The following ARHGAP24 variants were observed in gnomAD, a reference collection of about 807,000 sequenced individuals.
The protein encoded by ARHGAP24 is Rho GTPase activating protein 24, also known as rho GTPase-activating protein 24.
Under a neutral mutation model 76.4 loss-of-function variants are expected in ARHGAP24, and 50 were observed. The ratio of observed to expected loss-of-function variants is 0.65; its 90% CI spans 0.52 to 0.83. The LOEUF is 0.83. Among genes scored for constraint, ARHGAP24 ranks in the 40% least tolerant of loss-of-function variants. The probability of loss-of-function intolerance (pLI) is 0.00; values close to 1 mark genes in which losing one functional copy is unlikely to be tolerated. For missense variants in ARHGAP24, 930 were observed against 914.2 expected, an observed-to-expected ratio of 1.02 and a Z score of -0.22; for synonymous variants, 345 against 323.3, an observed-to-expected ratio of 1.07 and a Z score of -0.72.
chr4:85,656,029 TA>T (rs1722158867), intron 2 of ARHGAP24, among the ~76,000 whole-genome samples: 1 of 152,058 alleles, frequency 6.6e-6, no homozygotes, highest in East Asian at 1.9e-4. Flanking sequence ...GCAAATAAAT[TA>T]AACTTGCAAA....
chr4:85,827,939 A>T, intron 3 of ARHGAP24: 1 of 1,289,726 alleles, frequency 7.8e-7, no homozygotes, highest in Non-Finnish European at 1.0e-6. Context: ...TGCAGCCTGC[A>T]TTTGTCACTG....
chr4:85,838,624 G>A (rs1425094628), intron 3 of ARHGAP24, among the ~76,000 whole-genome samples: 3 of 152,126 alleles, frequency 2.0e-5, no homozygotes, highest in Non-Finnish European at 4.4e-5. Context: ...AATAACTACT[G>A]CAAAATGTGT....
chr4:85,614,401 G>A (rs1720484150), intron 2 of ARHGAP24, among the ~76,000 whole-genome samples: 1 of 151,984 alleles, frequency 6.6e-6, no homozygotes, highest in Admixed American at 6.6e-5. Context: ...TATATATTTA[G>A]TGCTTAGTAG....
chr4:85,945,399 G>A (rs1361086488), intron 5 of ARHGAP24, among the ~76,000 whole-genome samples: 44 of 151,820 alleles, frequency 2.9e-4, no homozygotes, highest in Non-Finnish European at 7.4e-5. Flanking sequence ...GGTTTGCTTT[G>A]TATTTAGAAT....
chr4:85,607,791 C>T (rs1401195820), intron 2 of ARHGAP24, among the ~76,000 whole-genome samples: 1 of 126,204 alleles, frequency 7.9e-6, no homozygotes, highest in Admixed American at 9.1e-5. Context: ...GTGTTGGAGC[C>T]ATAGCTACGC....
intron 3 of ARHGAP24, among the ~76,000 whole-genome samples, chr4:85,781,786 C>T (rs1312842508): frequency 6.6e-6 from 1 of 152,036 alleles, no homozygotes; most frequent in African/African-American, 2.4e-5. Context: ...GTAATCCCAG[C>T]ACTTTGGGAG....
intron 2 of ARHGAP24, among the ~76,000 whole-genome samples, chr4:85,717,327 A>G (rs1160293420): frequency 2.0e-5 from 3 of 152,140 alleles, no homozygotes; most frequent in Non-Finnish European, 2.9e-5. Flanking sequence ...ATGCAAATGT[A>G]TACCATTTCT....
intron 3 of ARHGAP24, among the ~76,000 whole-genome samples, chr4:85,815,201 C>T (rs1729185963): frequency 6.6e-6 from 1 of 152,020 alleles, no homozygotes; most frequent in Non-Finnish European, 1.5e-5. Context: ...GCCATGAAGA[C>T]CTCTGACATA....
intron 2 of ARHGAP24, among the ~76,000 whole-genome samples, chr4:85,653,967 A>T (rs28537622): frequency 0.36 from 55,043 of 151,498 alleles, 11,108 homozygotes; most frequent in East Asian, 0.84. Flanking sequence ...GATTCCTTAT[A>T]TTATTAATAA....
intron 8 of ARHGAP24, among the ~76,000 whole-genome samples, chr4:85,978,349 C>T (rs1026411430): frequency 6.6e-6 from 1 of 152,148 alleles, no homozygotes; most frequent in African/African-American, 2.4e-5. Context: ...TTTATTTAGT[C>T]TAGAACAAAA....
chr4:85,502,329 A>G (rs924053122), intron 1 of ARHGAP24, among the ~76,000 whole-genome samples: 2 of 152,064 alleles, frequency 1.3e-5, no homozygotes, highest in African/African-American at 4.8e-5. Context: ...GGCCATTTTC[A>G]TGATATTGAT....
intron 3 of ARHGAP24, among the ~76,000 whole-genome samples, chr4:85,741,631 G>C (rs1725832128): frequency 6.6e-6 from 1 of 152,186 alleles, no homozygotes; most frequent in African/African-American, 2.4e-5. Flanking sequence ...TCAGTTACCT[G>C]GATGTGGGCC....
chr4:85,742,672 G>T (rs1725869669), intron 3 of ARHGAP24, among the ~76,000 whole-genome samples: 1 of 152,166 alleles, frequency 6.6e-6, no homozygotes. Context: ...TTTGTGACAA[G>T]GTTCAATCCC....
intron 4 of ARHGAP24, among the ~76,000 whole-genome samples, chr4:85,938,335 T>C (rs1430609977): frequency 6.6e-6 from 1 of 152,212 alleles, no homozygotes; most frequent in Non-Finnish European, 1.5e-5. Flanking sequence ...ACTGTTTGCA[T>C]GACCCACATC....
intron 3 of ARHGAP24, among the ~76,000 whole-genome samples, chr4:85,770,256 T>A: frequency 6.6e-6 from 1 of 152,166 alleles, no homozygotes; most frequent in Admixed American, 6.5e-5. Flanking sequence ...CTGGAAGAAA[T>A]CTTCTTCTGT....
At chr4:85,895,841 T>G (rs933246196) in intron 3 of ARHGAP24, among the ~76,000 whole-genome samples, 2 of 152,156 alleles carry the variant, frequency 1.3e-5, no homozygotes, top group African/African-American at 4.8e-5. Flanking sequence ...AGTGTTTTGT[T>G]TCTAGGCTGC....
At chr4:85,632,831 G>A (rs575574266) in intron 2 of ARHGAP24, among the ~76,000 whole-genome samples, 40 of 152,024 alleles carry the variant, frequency 2.6e-4, no homozygotes, top group Non-Finnish European at 4.7e-4. Context: ...TTAAATATCA[G>A]GAGTTAAAAT....
intron 3 of ARHGAP24, among the ~76,000 whole-genome samples, chr4:85,800,679 A>C (rs978074753): frequency 9.2e-5 from 14 of 152,238 alleles, no homozygotes; most frequent in Admixed American, 5.2e-4. Flanking sequence ...TCATTAAGCC[A>C]TATCAAAAGG....
intron 1 of ARHGAP24, among the ~76,000 whole-genome samples, chr4:85,562,344 G>C (rs759008448): frequency 3.9e-5 from 6 of 152,164 alleles, no homozygotes; most frequent in Admixed American, 6.5e-5. Context: ...GATTTGCACT[G>C]TGTCTTCTAC....
Sources: allele counts gnomAD v4.1 joint callset (sites outside exome capture counted in the v4.1 genomes callset), GRCh38; gene constraint gnomAD v4.1.1; transcripts MANE v1.5; gene names NCBI Gene and HGNC (gene_info 2026-07-23, HGNC 2026-07-21).